GLRB: variants seen among roughly 807,000 people sequenced by gnomAD.
GLRB encodes glycine receptor subunit beta.
In GLRB, 33 loss-of-function variants were observed where a neutral mutation model predicts 54.2. That is an observed-to-expected ratio of 0.61 (90% CI 0.46 to 0.81). GLRB has a LOEUF of 0.81. GLRB is among the 40% of genes least tolerant of loss of function. The pLI is 0.00. For synonymous variants in GLRB, 209 were observed against 208.2 expected (o/e 1.00, Z -0.03); for missense variants, 572 against 584.6 (o/e 0.98, Z 0.22).
Position 157,152,832 on chromosome 4 carries a change from G to T in GLRB, c.1019G>T (p.Gly340Val). ...TGGCTTATTGCTTGCCTTCTCTTTG[G>T]GTTTGCTTCCCTGGTGGAGTATGCA... ...DVWLIACLLF[G>V]FASLVEYAVV... The change falls in exon 9 of 10, where the codon GGG (glycine) becomes GTG (valine). Residue 340 changes from glycine (G) to valine (V), a missense_variant. By Grantham distance (109) the Gly-to-Val change is moderately radical. Transcript: ENST00000264428. The T allele has an allele frequency of 6.2e-7, 1 of 1,613,976 alleles. No homozygotes were observed. The highest frequency in any genetic ancestry group is 1.1e-5 in the South Asian group (1 of 91,078).
At chr4:157,166,623 C>T (rs1219968149) in intron 9 of GLRB, among the ~76,000 whole-genome samples, 1 of 151,866 alleles carries the variant, frequency 6.6e-6, no homozygotes, top group Non-Finnish European at 1.5e-5. Flanking sequence ...ATAGAGGTTC[C>T]GTCCACCCCA....
At chr4:157,101,402 A>C (rs1735020217) in intron 2 of GLRB, among the ~76,000 whole-genome samples, 1 of 152,056 alleles carries the variant, frequency 6.6e-6, no homozygotes, top group Admixed American at 6.6e-5. Flanking sequence ...TCTGGCAGAT[A>C]CATAAGAACA....
intron 9 of GLRB, among the ~76,000 whole-genome samples, chr4:157,169,548 A>T (rs1286523742): frequency 2.0e-5 from 3 of 152,108 alleles, no homozygotes; most frequent in African/African-American, 7.2e-5. Flanking sequence ...CTGTGGATAC[A>T]AAAAGTTGAC....
chr4:157,153,076 C>T (rs1737089683), intron 9 of GLRB, 66 bp downstream of exon 9: 2 of 1,337,192 alleles, frequency 1.5e-6, no homozygotes, highest in African/African-American at 2.9e-5. Flanking sequence ...GAGAGAGACA[C>T]CTTTGTGTAT....
chr4:157,165,829 A>G (rs558448483), intron 9 of GLRB, among the ~76,000 whole-genome samples: 4 of 152,068 alleles, frequency 2.6e-5, no homozygotes, highest in Non-Finnish European at 5.9e-5. Context: ...AATAGTACCT[A>G]TGCCTACAAT....
At chr4:157,143,590 T>A (rs1736694521) in intron 7 of GLRB, among the ~76,000 whole-genome samples, 1 of 152,194 alleles carries the variant, frequency 6.6e-6, no homozygotes, top group Admixed American at 6.5e-5. Context: ...CTCAATGTCA[T>A]AATGAAGTTG....
intron 9 of GLRB, 24 bp downstream of exon 9, chr4:157,153,034 A>C (rs1196491067): frequency 6.3e-7 from 1 of 1,589,296 alleles, no homozygotes; most frequent in East Asian, 2.2e-5. Context: ...TATGCCATGA[A>C]ATCATTTCCC....
intron 9 of GLRB, among the ~76,000 whole-genome samples, chr4:157,159,808 G>T (rs1344549510): frequency 1.3e-5 from 2 of 151,842 alleles, no homozygotes; most frequent in Non-Finnish European, 2.9e-5. Context: ...TTTTGTTGTG[G>T]CTCTGCCAGG....
intron 4 of GLRB, among the ~76,000 whole-genome samples, chr4:157,122,617 T>G (rs1246501945): frequency 6.6e-6 from 1 of 151,712 alleles, no homozygotes; most frequent in Non-Finnish European, 1.5e-5. Context: ...ACTTACAGAC[T>G]TAAAAGAATT....
At chr4:157,101,465 T>C (rs1170750651) in intron 2 of GLRB, among the ~76,000 whole-genome samples, 2 of 152,040 alleles carry the variant, frequency 1.3e-5, no homozygotes, top group Non-Finnish European at 2.9e-5. Context: ...AATCTATGAC[T>C]CAATCTTCCA....
At position 157,079,985 on chromosome 4, in the gene GLRB, C is replaced by A. The variant is rs543142843; in HGVS notation, c.122+1839C>A. ...CTGTTCTCCCAGTACACCCACCCCCCATCCTACATCAAATGTCATAATCAA... is the reference window on the plus strand; with the variant it reads ...CTGTTCTCCCAGTACACCCACCCCCAATCCTACATCAAATGTCATAATCAA... On this transcript the variant is annotated intron_variant, in intron 2 of 9. Coordinates refer to ENST00000264428, the MANE Select transcript of GLRB (RefSeq NM_000824.5). 1.6e-3 allele frequency among the ~76,000 whole-genome samples: 239 copies of A among 152,246 alleles called. 1 individual carries two copies. Among genetic ancestry groups the A allele is most frequent in the African/African-American group, 5.4e-3 (226 of 41,552 alleles).
At position 157,077,579 on chromosome 4, in the gene GLRB, G is replaced by T. The variant is rs1033007732; in HGVS notation, c.-29-417G>T. 2.0e-5 allele frequency among the ~76,000 whole-genome samples: 3 copies of T among 151,768 alleles called. No individual in the cohort carries two copies. In the East Asian group the frequency reaches 5.8e-4, roughly 29 times the overall value. Reference sequence around the variant, plus strand: ...CAATATAAAAATTTAAAAAGAAAAAGATACTTCCAAAGTACTAGCCGAAGA... The same window carrying T: ...CAATATAAAAATTTAAAAAGAAAAATATACTTCCAAAGTACTAGCCGAAGA... On this transcript the variant is annotated intron_variant, in intron 1 of 9. Coordinates refer to ENST00000264428, the MANE Select transcript of GLRB (RefSeq NM_000824.5).
Position 157,077,644 on chromosome 4 carries a change from T to C in GLRB, c.-29-352T>C, listed in dbSNP as rs3775726. ...CTGTGTTAAACCATGCTTCCAGATA[T>C]CTTTCTGAACATATTTTTGATATAC... On this transcript the variant is annotated intron_variant, in intron 1 of 9. Transcript: ENST00000264428. Among the ~76,000 whole-genome samples the C allele has an allele frequency of 7.8e-3, 1,179 of 151,964 alleles. 22 individuals carry two copies. In the East Asian group the frequency reaches 0.1, roughly 13 times the overall value.
At chr4:157,081,629 A>G (rs188283827) in intron 2 of GLRB, among the ~76,000 whole-genome samples, 2 of 152,306 alleles carry the variant, frequency 1.3e-5, no homozygotes, top group Middle Eastern at 3.4e-3. Context: ...ACCAGAACTC[A>G]TCAATTACTA....
chr4:157,166,730 A>T (rs1393072346), intron 9 of GLRB, among the ~76,000 whole-genome samples: 1 of 152,022 alleles, frequency 6.6e-6, no homozygotes, highest in Non-Finnish European at 1.5e-5. Flanking sequence ...TAATATAACC[A>T]ATTTGCAGCT....
intron 2 of GLRB, among the ~76,000 whole-genome samples, chr4:157,079,518 T>C (rs190407576): frequency 2.6e-5 from 4 of 152,306 alleles, no homozygotes; most frequent in East Asian, 1.9e-4. Flanking sequence ...TATTTCCTGA[T>C]TTTCACCCTT....
intron 6 of GLRB, among the ~76,000 whole-genome samples, chr4:157,138,456 T>A (rs1289112009): frequency 6.6e-6 from 1 of 152,222 alleles, no homozygotes; most frequent in African/African-American, 2.4e-5. Flanking sequence ...ATTGTAAATG[T>A]ATACGTTCAG....
At chr4:157,076,462 C>G (rs1487558044) in intron 1 of GLRB, 165 bp downstream of exon 1, 1 of 144,098 alleles carries the variant, frequency 6.9e-6, no homozygotes, top group Non-Finnish European at 1.5e-5. Context: ...CTGCCCTGCG[C>G]GGGAGAGGGG....
At position 157,122,417 on chromosome 4, in the gene GLRB, A is replaced by G; in HGVS notation, c.297+20A>G. The G allele has an allele frequency of 1.1e-6, 1 of 932,600 alleles. No homozygotes were observed. Among genetic ancestry groups the G allele is most frequent in the Non-Finnish European group, 1.7e-6 (1 of 581,670 alleles). 57.8% of individuals were successfully genotyped at this position (932,600 alleles called of 1,614,324 possible). A position where few individuals can be genotyped will look rare whatever the true frequency, so the allele number is the denominator to read the frequency against. On this transcript the variant is annotated intron_variant, in intron 4 of 9. Coordinates refer to ENST00000264428, the MANE Select transcript of GLRB (RefSeq NM_000824.5). ...ACAATGGTAAGATTGCAATTAATTT[A>G]ATATTTTGTCAAATATTTCAATAGA... is the stretch of plus-strand genomic sequence containing the variant.
Sources: gnomAD v4.1 joint callset for allele counts (sites outside exome capture counted in the v4.1 genomes callset) on GRCh38, gnomAD v4.1.1 for gene constraint, MANE v1.5 for transcripts, NCBI Gene and HGNC (gene_info 2026-07-23, HGNC 2026-07-21) for gene names.